Variants in ST3GAL2 observed in about 807,000 individuals in gnomAD.
ST3GAL2 encodes the protein ST3 beta-galactoside alpha-2,3-sialyltransferase 2.
Under a neutral mutation model 37.5 loss-of-function variants are expected in ST3GAL2, and 16 were observed. That is an observed-to-expected ratio of 0.43 (90% confidence interval 0.29 to 0.65). The LOEUF is 0.65. ST3GAL2 is among the 30% of genes least tolerant of loss of function. The pLI is 0.17. For missense variants in ST3GAL2, 383 were observed against 487.8 expected (o/e 0.79, Z 2.02); for synonymous variants, 238 against 202.9 (o/e 1.17, Z -1.47).
chr16:70,412,619 G>C (rs2047646857), intron 1 of ST3GAL2, among the ~76,000 whole-genome samples: 1 of 152,116 alleles, frequency 6.6e-6, no homozygotes, highest in South Asian at 2.1e-4. Flanking sequence ...CGCCCAACCT[G>C]GCCTCAAAAA....
At chr16:70,434,414 C>A (rs1207101022) in intron 1 of ST3GAL2, among the ~76,000 whole-genome samples, 1 of 150,934 alleles carries the variant, frequency 6.6e-6, no homozygotes, top group Non-Finnish European at 1.5e-5. Context: ...TCCAGCCTGG[C>A]AACAGAACGA....
At chr16:70,387,623 G>A (rs980215763) in intron 4 of ST3GAL2, among the ~76,000 whole-genome samples, 3 of 152,224 alleles carry the variant, frequency 2.0e-5, no homozygotes, top group African/African-American at 4.8e-5. Flanking sequence ...GAATATATAA[G>A]AAGTTACTGG....
chr16:70,393,334 T>C (rs1231053126), intron 3 of ST3GAL2, among the ~76,000 whole-genome samples: 1 of 152,158 alleles, frequency 6.6e-6, no homozygotes, highest in Non-Finnish European at 1.5e-5. Flanking sequence ...TGCCTCAGCC[T>C]CCTAAAGTGC....
rs555065498 is a variant in ST3GAL2 at position 70,382,916 on chromosome 16, G to A, written c.768C>T (p.Ile256=). 9.9e-6 allele frequency: 16 copies of A among 1,613,442 alleles called. No homozygotes were observed. The highest frequency in any genetic ancestry group is 1.3e-5 in the Non-Finnish European group (15 of 1,179,744). ...FLRVDKEKVQ[I]YNPAFFKYIH... ...TATACTTGAAGAAGGCTGGGTTGTAGATCTGGACCTGGGAGGAGAAGGGAT... is the reference window on the plus strand; with the variant it reads ...TATACTTGAAGAAGGCTGGGTTGTAAATCTGGACCTGGGAGGAGAAGGGAT... The change falls in exon 6 of 7, where the codon ATC becomes ATT. Residue 256 remains isoleucine, a synonymous_variant. Coordinates refer to ENST00000342907, the MANE Select transcript of ST3GAL2 (RefSeq NM_006927.4).
chr16:70,408,477 C>G (rs1388900898), intron 1 of ST3GAL2, among the ~76,000 whole-genome samples: 1 of 152,016 alleles, frequency 6.6e-6, no homozygotes, highest in Non-Finnish European at 1.5e-5. Flanking sequence ...AGCAGCGAGG[C>G]CTGTCCTTGA....
Position 70,398,492 on chromosome 16 carries a change from G to A in ST3GAL2, c.39C>T (p.Ala13=), listed in dbSNP as rs371169787. 2 of 1,612,466 alleles carry A rather than the reference G, an allele frequency of 1.2e-6. No homozygotes were observed. The highest frequency in any genetic ancestry group is 2.7e-5 in the African/African-American group (2 of 74,932). ...CSLRVWFLSV[A]FLLVFIMSLL... ...GGGACATGATGAACACCAGCAGGAAGGCCACGGAGAGGAACCACACCCGCA... is the reference window on the plus strand; with the variant it reads ...GGGACATGATGAACACCAGCAGGAAAGCCACGGAGAGGAACCACACCCGCA... The change falls in exon 2 of 7, where the codon GCC becomes GCT. Residue 13 remains alanine, a synonymous_variant. Coordinates refer to ENST00000342907, the MANE Select transcript of ST3GAL2 (RefSeq NM_006927.4).
Position 70,376,666 on chromosome 16 carries a change from T to C in ST3GAL2, c.*5023A>G, listed in dbSNP as rs537055787. ...ATTTTTAAAAATATAGTTTCAGTAT[T>C]TTACCTTCCCTGATGCCTCTGACCT... On this transcript the variant is annotated 3_prime_UTR_variant, in exon 7 of 7. Coordinates refer to ENST00000342907, the MANE Select transcript of ST3GAL2 (RefSeq NM_006927.4). 1 of 152,308 alleles carries C rather than the reference T, an allele frequency of 6.6e-6. No individual in the cohort carries two copies. Among genetic ancestry groups the C allele is most frequent in the Admixed American group, 6.5e-5 (1 of 15,286 alleles). The allele number at this position is 152,308 out of a possible 1,614,324, so 9.4% of individuals were successfully genotyped here.
chr16:70,402,673 C>T (rs560996516), intron 1 of ST3GAL2, among the ~76,000 whole-genome samples: 6 of 152,102 alleles, frequency 3.9e-5, no homozygotes, highest in East Asian at 1.9e-4. Flanking sequence ...TCTTTTGAGA[C>T]GGAGTCTTGC....
intron 1 of ST3GAL2, among the ~76,000 whole-genome samples, chr16:70,402,832 G>A (rs949778985): frequency 3.3e-5 from 5 of 152,060 alleles, no homozygotes; most frequent in Admixed American, 6.6e-5. Context: ...TGTATTTTTA[G>A]TAGAGATGGG....
chr16:70,397,779 T>G (rs749756924), intron 2 of ST3GAL2, among the ~76,000 whole-genome samples: 6 of 152,080 alleles, frequency 3.9e-5, no homozygotes, highest in Non-Finnish European at 8.8e-5. Context: ...GTTCATAAAT[T>G]AGGATATTTA....
At chr16:70,391,610 G>C (rs1443156280) in intron 3 of ST3GAL2, among the ~76,000 whole-genome samples, 1 of 152,202 alleles carries the variant, frequency 6.6e-6, no homozygotes, top group Non-Finnish European at 1.5e-5. Flanking sequence ...GTGAGGAACA[G>C]ATCAGTTGGA....
chr16:70,390,814 G>T (rs1311927776), intron 3 of ST3GAL2, among the ~76,000 whole-genome samples: 3 of 152,150 alleles, frequency 2.0e-5, no homozygotes, highest in Non-Finnish European at 2.9e-5. Context: ...TTTTTAGTAT[G>T]CATCTTACGT....
In ST3GAL2 at chr16:70,380,421, T is replaced by TC. The variant is rs1413634253; in HGVS notation, c.*1267dup. On this transcript the variant is annotated 3_prime_UTR_variant, in exon 7 of 7. Transcript: ENST00000342907. ...TGGTTTGAGAGCTTCACAGAAGCCTTCCCCCTCCTAAACCTCCCCAGCTTC... is the reference window on the plus strand; with the variant it reads ...TGGTTTGAGAGCTTCACAGAAGCCTTCCCCCCTCCTAAACCTCCCCAGCTTC... The TC allele has an allele frequency of 6.6e-6, 1 of 152,122 alleles. No individual in the cohort carries two copies. Among genetic ancestry groups the TC allele is most frequent in the Non-Finnish European group, 1.5e-5 (1 of 68,064 alleles). 9.4% of individuals were successfully genotyped at this position (152,122 alleles called of 1,614,324 possible).
intron 5 of ST3GAL2, 125 bp from the exon 6 acceptor site, chr16:70,383,049 G>C (rs1187086478): frequency 6.3e-7 from 1 of 1,581,288 alleles, no homozygotes; most frequent in African/African-American, 1.4e-5. Flanking sequence ...GAATCGTGTG[G>C]CACCTGCTAG....
At chr16:70,435,595 T>C (rs1241017418) in intron 1 of ST3GAL2, among the ~76,000 whole-genome samples, 2 of 150,970 alleles carry the variant, frequency 1.3e-5, no homozygotes, top group Non-Finnish European at 2.9e-5. Context: ...TGAAACTCTA[T>C]CTCAAAAAAT....
intron 1 of ST3GAL2, among the ~76,000 whole-genome samples, chr16:70,408,152 T>G (rs2047606542): frequency 6.6e-6 from 1 of 151,744 alleles, no homozygotes. Context: ...TGCGCAGGAG[T>G]CCCAGGACCA....
Position 70,398,883 on chromosome 16 carries a change from C to T in ST3GAL2, c.-353G>A, listed in dbSNP as rs996821884. On this transcript the variant is annotated 5_prime_UTR_variant, in exon 2 of 7. Coordinates refer to ENST00000342907, the MANE Select transcript of ST3GAL2 (RefSeq NM_006927.4). ...GTCCCTTGGGATTGCTGGCTGCCAGCTCTAGGGGTCCCCCTCTTTGGCGGC... is the reference window on the plus strand; with the variant it reads ...GTCCCTTGGGATTGCTGGCTGCCAGTTCTAGGGGTCCCCCTCTTTGGCGGC... The T allele has an allele frequency of 4.2e-6, 2 of 472,452 alleles. No individual in the cohort carries two copies. Among genetic ancestry groups the T allele is most frequent in the Non-Finnish European group, 7.4e-6 (2 of 269,808 alleles). The allele number at this position is 472,452 out of a possible 1,614,324, so 29.3% of individuals were successfully genotyped here. A position where few individuals can be genotyped will look rare whatever the true frequency, so the allele number is the denominator to read the frequency against.
At chr16:70,413,030 G>C (rs1436669594) in intron 1 of ST3GAL2, among the ~76,000 whole-genome samples, 1 of 152,020 alleles carries the variant, frequency 6.6e-6, no homozygotes, top group Non-Finnish European at 1.5e-5. Context: ...AGGTGGATCA[G>C]CTGAGGTCAG....
intron 1 of ST3GAL2, among the ~76,000 whole-genome samples, chr16:70,435,460 T>G (rs984859864): frequency 2.0e-5 from 3 of 151,876 alleles, no homozygotes; most frequent in Admixed American, 6.6e-5. Context: ...TAGATGGGCG[T>G]GGTGGCGCAT....
Sources: gnomAD v4.1 joint callset for allele counts (sites outside exome capture counted in the v4.1 genomes callset) on GRCh38, gnomAD v4.1.1 for gene constraint, MANE v1.5 for transcripts, NCBI Gene and HGNC (gene_info 2026-07-23, HGNC 2026-07-21) for gene names.